Variants in XCR1 observed in about 807,000 individuals in gnomAD.
XCR1 encodes X-C motif chemokine receptor 1, also known as chemokine XC receptor 1.
For missense variants in XCR1, 356 were observed against 424.2 expected (o/e 0.84, Z 1.41); for synonymous variants, 187 against 188.5 (o/e 0.99, Z 0.06).
Position 46,018,007 on chromosome 3 carries a change from G to A in XCR1, c.*2939C>T, listed in dbSNP as rs1378597629. The stretch of plus-strand genomic sequence containing the variant: ...CAGTGTCATCTGCCACTCCCTCTCT[G>A]ACTGGGTTACCCTTCTATCTTCCTA... On this transcript the variant is annotated 3_prime_UTR_variant, in exon 2 of 2. Coordinates refer to ENST00000309285, the MANE Select transcript of XCR1 (RefSeq NM_001024644.2). 1 of 152,250 alleles carries A rather than the reference G, an allele frequency of 6.6e-6. No individual in the cohort carries two copies. Among genetic ancestry groups the A allele is most frequent in the African/African-American group, 2.4e-5 (1 of 41,422 alleles). The allele number at this position is 152,250 out of a possible 1,614,324, so 9.4% of individuals were successfully genotyped here.
chr3:46,065,822 G>A (rs954046328), intron 4 of XCR1, among the ~76,000 whole-genome samples: 1 of 152,178 alleles, frequency 6.6e-6, no homozygotes, highest in Admixed American at 6.5e-5. Flanking sequence ...TGTGTGTAGG[G>A]TCCTAGATGA....
intron 5 of XCR1, among the ~76,000 whole-genome samples, chr3:46,044,537 G>A (rs963231105): frequency 3.3e-5 from 5 of 151,874 alleles, no homozygotes; most frequent in African/African-American, 1.2e-4. Flanking sequence ...TTGAAAACAA[G>A]AAATCAATAG....
chr3:46,029,184 T>C (rs1223084927), upstream of XCR1, among the ~76,000 whole-genome samples: 1 of 152,308 alleles, frequency 6.6e-6, no homozygotes, highest in Non-Finnish European at 1.5e-5. Context: ...GGGAAAGCCA[T>C]ACATCTATGG....
At chr3:46,023,694 C>T (rs1474982196) in intron 1 of XCR1, 1 of 1,507,224 alleles carries the variant, frequency 6.6e-7, no homozygotes. Context: ...TTCAGGGGAT[C>T]TTTGACAGGG....
chr3:46,080,645 C>G (rs1435316329), intron 1 of XCR1, among the ~76,000 whole-genome samples: 1 of 152,144 alleles, frequency 6.6e-6, no homozygotes, highest in East Asian at 1.9e-4. Context: ...AACAGGAGCT[C>G]TCAAGAAGGA....
In XCR1 at chr3:46,020,805, A is replaced by G; in HGVS notation, c.*141T>C. 3 of 1,203,828 alleles carry G rather than the reference A, an allele frequency of 2.5e-6. No individual in the cohort carries two copies. Among genetic ancestry groups the G allele is most frequent in the Non-Finnish European group, 2.2e-6 (2 of 890,150 alleles). The allele number at this position is 1,203,828 out of a possible 1,614,324, so 74.6% of individuals were successfully genotyped here. A position where few individuals can be genotyped will look rare whatever the true frequency, so the allele number is the denominator to read the frequency against. ...CTGGCGGGACCCACTGGTGTAATGAATGACCTTCACTGCACGCCTGCAGCG... is the reference window on the plus strand; with the variant it reads ...CTGGCGGGACCCACTGGTGTAATGAGTGACCTTCACTGCACGCCTGCAGCG... On this transcript the variant is annotated 3_prime_UTR_variant, in exon 2 of 2. Transcript: ENST00000309285.
chr3:46,072,926 T>C (rs1175579420), intron 3 of XCR1, among the ~76,000 whole-genome samples: 1 of 152,150 alleles, frequency 6.6e-6, no homozygotes, highest in Non-Finnish European at 1.5e-5. Context: ...GGTAGACATA[T>C]AGATCAGTAT....
rs931551262 is a variant in XCR1 at position 46,020,080 on chromosome 3, A to T, written c.*866T>A. 1 of 152,208 alleles carries T rather than the reference A, an allele frequency of 6.6e-6. No individual in the cohort carries two copies. The highest frequency in any genetic ancestry group is 2.4e-5 in the African/African-American group (1 of 41,440). 9.4% of individuals were successfully genotyped at this position (152,208 alleles called of 1,614,324 possible). ...AGGACACTTTAGGTACAAAGTGATA[A>T]ATGTGAAGTCAGCTCACTATCCACC... On this transcript the variant is annotated 3_prime_UTR_variant, in exon 2 of 2. Coordinates refer to ENST00000309285, the MANE Select transcript of XCR1 (RefSeq NM_001024644.2).
At chr3:46,050,339 C>G (rs1241510984) in intron 5 of XCR1, among the ~76,000 whole-genome samples, 2 of 152,128 alleles carry the variant, frequency 1.3e-5, no homozygotes, top group Admixed American at 1.3e-4. Context: ...GTTAATATCT[C>G]CTAATTGTTG....
intron 3 of XCR1, among the ~76,000 whole-genome samples, chr3:46,074,110 G>T (rs1296976447): frequency 6.7e-6 from 1 of 150,082 alleles, no homozygotes; most frequent in Non-Finnish European, 1.5e-5. Context: ...TTATATCAGA[G>T]ATAACTTGCA....
At chr3:46,031,783 C>T (rs761466046), upstream of XCR1, among the ~76,000 whole-genome samples, 3 of 152,208 alleles carry the variant, frequency 2.0e-5, no homozygotes, top group African/African-American at 7.2e-5. Context: ...CATAAAAACC[C>T]TGGACTCAGC....
chr3:46,057,882 G>A (rs796639217), intron 4 of XCR1, among the ~76,000 whole-genome samples: 38 of 134,876 alleles, frequency 2.8e-4, no homozygotes, highest in Admixed American at 6.6e-4. Flanking sequence ...TTATCTGTCT[G>A]TCTATCTATC....
intron 4 of XCR1, among the ~76,000 whole-genome samples, chr3:46,063,912 C>A (rs62243870): frequency 6.6e-6 from 1 of 152,136 alleles, no homozygotes; most frequent in Non-Finnish European, 1.5e-5. Context: ...CTCTGCCACC[C>A]AGGCTGGAGT....
intron 5 of XCR1, among the ~76,000 whole-genome samples, chr3:46,041,189 A>G (rs951607089): frequency 1.3e-5 from 2 of 152,196 alleles, no homozygotes; most frequent in Non-Finnish European, 2.9e-5. Flanking sequence ...GTTTATTTGC[A>G]TAAGTTCAAT....
chr3:46,069,847 TG>T (rs1252950442), intron 3 of XCR1, among the ~76,000 whole-genome samples: 1 of 152,076 alleles, frequency 6.6e-6, no homozygotes, highest in Non-Finnish European at 1.5e-5. Context: ...GTTTTGGGTT[TG>T]TTTTTTTCTT....
At chr3:46,025,450 T>C (rs1461439934) in intron 1 of XCR1, among the ~76,000 whole-genome samples, 1 of 151,966 alleles carries the variant, frequency 6.6e-6, no homozygotes, top group East Asian at 1.9e-4. Flanking sequence ...GACCAAAAAA[T>C]TGATGAAGCC....
chr3:46,047,488 C>T (rs1697656368), intron 5 of XCR1, among the ~76,000 whole-genome samples: 1 of 152,182 alleles, frequency 6.6e-6, no homozygotes, highest in African/African-American at 2.4e-5. Context: ...GCCAAAAAGA[C>T]ATAAGGATTA....
chr3:46,071,267 C>T (rs887837529), intron 3 of XCR1, among the ~76,000 whole-genome samples: 9 of 151,578 alleles, frequency 5.9e-5, no homozygotes, highest in East Asian at 1.9e-4. Flanking sequence ...GAGAATGCAT[C>T]GATAATAAAA....
intron 1 of XCR1, among the ~76,000 whole-genome samples, chr3:46,080,324 A>C (rs1698335054): frequency 6.6e-6 from 1 of 152,218 alleles, no homozygotes; most frequent in African/African-American, 2.4e-5. Context: ...CATTTCACTG[A>C]CAATGCCGCT....
Sources: gnomAD v4.1 joint callset for allele counts (sites outside exome capture counted in the v4.1 genomes callset) on GRCh38, gnomAD v4.1.1 for gene constraint, MANE v1.5 for transcripts, NCBI Gene and HGNC (gene_info 2026-07-23, HGNC 2026-07-21) for gene names.